The following RBM44 variants were observed in gnomAD, a reference collection of about 807,000 sequenced individuals.
The protein encoded by RBM44 is RNA binding motif protein 44.
Under a neutral mutation model 105.1 loss-of-function variants are expected in RBM44, and 66 were observed. The observed-to-expected ratio is 0.63, with a 90% CI of 0.52 to 0.77. The LOEUF (loss-of-function observed/expected upper bound fraction) is 0.77. Ranked by LOEUF, RBM44 falls within the 30% of genes least tolerant of loss-of-function variation. The pLI is 0.00. For synonymous variants in RBM44, 365 were observed against 417.6 expected (o/e 0.87, Z 1.54); for missense variants, 1,122 against 1,207.8 (o/e 0.93, Z 1.05).
rs1322392166 is a variant in RBM44 at position 237,824,329 on chromosome 2, G to A, written c.2359G>A (p.Asp787Asn). ...HYQETSEDWSDAKESLTGVDV... is the reference protein window; with the variant it reads ...HYQETSEDWSNAKESLTGVDV... Reference sequence around the variant, plus strand: ...CCAAGAGACAAGCGAAGACTGGTCTGATGCTAAAGAGAGCCTGACAGGAGT... The same window carrying A: ...CCAAGAGACAAGCGAAGACTGGTCTAATGCTAAAGAGAGCCTGACAGGAGT... Residue 787 changes from aspartate (D) to asparagine (N), a missense_variant, in exon 10 of 16, where the codon GAT becomes AAT. Transcript: ENST00000316997. 6.8e-6 allele frequency: 11 copies of A among 1,612,854 alleles called. No homozygotes were observed. In the South Asian group the frequency reaches 8.8e-5, roughly 13 times the overall value.
rs143380362 is a variant in RBM44 at position 237,803,256 on chromosome 2, G to GACAC, written c.-19+4409_-19+4412dup. ...CACTCCAGCCTGGGCGACAGAGCGA[G>GACAC]ACACACACACACACACAGTCTCTCT... On this transcript the variant is annotated intron_variant, in intron 1 of 15. Transcript: ENST00000316997. This position sits in a 1 kb window ranked among gnomAD's most constrained non-coding sequence, Gnocchi z 4.2. 1.4e-4 allele frequency among the ~76,000 whole-genome samples: 21 copies of GACAC among 150,666 alleles called. No homozygotes were observed. Among genetic ancestry groups the GACAC allele is most frequent in the South Asian group, 4.2e-4 (2 of 4,766 alleles).
At chr2:237,835,466 C>T (rs1269866194) in intron 15 of RBM44, among the ~76,000 whole-genome samples, 2 of 152,160 alleles carry the variant, frequency 1.3e-5, no homozygotes, top group Non-Finnish European at 2.9e-5. Context: ...CAGTTAGCCA[C>T]GTGGTTCATT....
chr2:237,822,788 A>G (rs944720067), intron 8 of RBM44, among the ~76,000 whole-genome samples: 3 of 152,072 alleles, frequency 2.0e-5, no homozygotes, highest in African/African-American at 7.2e-5. Flanking sequence ...CTACAAAACA[A>G]TATTGATTTT....
At chr2:237,809,521 C>G (rs2061635323) in intron 1 of RBM44, among the ~76,000 whole-genome samples, 1 of 152,158 alleles carries the variant, frequency 6.6e-6, no homozygotes, top group South Asian at 2.1e-4. Flanking sequence ...TGGTCTTTCT[C>G]CTACCACACA....
intron 1 of RBM44, among the ~76,000 whole-genome samples, chr2:237,808,475 A>G (rs1264013057): frequency 6.7e-6 from 1 of 149,774 alleles, no homozygotes; most frequent in Non-Finnish European, 1.5e-5. Flanking sequence ...CAAAAAAAGC[A>G]TAACAGAAAA....
Position 237,829,499 on chromosome 2 carries a change from C to T in RBM44, c.2883C>T (p.Asp961=). The change falls in exon 13 of 16, where the codon GAC becomes GAT. Residue 961 remains aspartate (D), a synonymous_variant. Transcript: ENST00000316997. The part of the protein sequence containing the change: ...SEQDSEVFPS[D]QGVKKNCKQI... ...AAGACAGTGAGGTTTTCCCTTCCGA[C>T]CAGGTTAGTGTTTTTGATAGATCCC... The T allele has an allele frequency of 6.2e-7, 1 of 1,609,728 alleles. No homozygotes were observed. The highest frequency in any genetic ancestry group is 8.5e-7 in the Non-Finnish European group (1 of 1,178,154).
intron 5 of RBM44, chr2:237,820,761 A>G (rs1253249374): frequency 1.1e-5 from 3 of 273,498 alleles, no homozygotes; most frequent in Non-Finnish European, 2.0e-5. Context: ...ATTAGAACCA[A>G]GTGGGGTTGG....
chr2:237,803,884 C>CTT lies in RBM44; in HGVS notation c.-19+5034_-19+5035dup, dbSNP rs566625793. Among the ~76,000 whole-genome samples, 11 of 145,340 alleles carry CTT rather than the reference C, an allele frequency of 7.6e-5. No homozygotes were observed. Among genetic ancestry groups the CTT allele is most frequent in the African/African-American group, 2.3e-4 (9 of 39,946 alleles). ...ACCATTTATTGAATATGCCTTAGAC[C>CTT]TTTTTTTTTTTTCTTTTTTTTGAGA... On this transcript the variant is annotated intron_variant, in intron 1 of 15. Coordinates refer to ENST00000316997, the MANE Select transcript of RBM44 (RefSeq NM_001080504.3). This position sits in a 1 kb window ranked among gnomAD's most constrained non-coding sequence, Gnocchi z 4.2.
Position 237,817,295 on chromosome 2 carries a change from C to G in RBM44, c.376C>G (p.Leu126Val), listed in dbSNP as rs766529588. 3 of 1,605,338 alleles carry G rather than the reference C, an allele frequency of 1.9e-6. No homozygotes were observed. The South Asian group carries it at 3.3e-5, about 18-fold the overall frequency. ...YSESKLKKES[L>V]TPLSSELDPE... Reference sequence around the variant, plus strand: ...AGAGTCAAAACTAAAGAAGGAAAGTCTTACTCCTTTAAGTTCAGAATTAGA... The same window carrying G: ...AGAGTCAAAACTAAAGAAGGAAAGTGTTACTCCTTTAAGTTCAGAATTAGA... Residue 126 changes from leucine to valine, a missense_variant, in exon 3 of 16, where the codon CTT (leucine) becomes GTT (valine). This residue lies in a region of RBM44 where 918 missense variants were observed against 955.3 expected (regional missense o/e 0.96). Transcript: ENST00000316997.
chr2:237,813,364 A>C (rs75575372), intron 1 of RBM44, among the ~76,000 whole-genome samples: 4,075 of 152,298 alleles, frequency 0.027, 74 homozygotes, highest in Middle Eastern at 0.088. Flanking sequence ...TAGTAAGTGT[A>C]CAAATTGTCT....
intron 1 of RBM44, among the ~76,000 whole-genome samples, chr2:237,800,016 G>C (rs1576491405): frequency 6.6e-6 from 1 of 152,180 alleles, no homozygotes; most frequent in East Asian, 1.9e-4. Flanking sequence ...GGAATTGCTG[G>C]ATCATGTGGT....
intron 11 of RBM44, 38 bp from the exon 12 acceptor site, chr2:237,827,395 T>C (rs969890926): frequency 4.5e-5 from 66 of 1,471,478 alleles, no homozygotes; most frequent in Non-Finnish European, 5.7e-5. Context: ...TTGTTGTTTT[T>C]TTCTACCTTT....
intron 1 of RBM44, among the ~76,000 whole-genome samples, chr2:237,812,136 G>A (rs548132581): frequency 2.7e-4 from 41 of 152,292 alleles, no homozygotes; most frequent in African/African-American, 9.4e-4. Context: ...GATTACAGGC[G>A]TGAGCCACTG....
chr2:237,802,914 A>T (rs1245545379), intron 1 of RBM44, among the ~76,000 whole-genome samples: 1 of 152,214 alleles, frequency 6.6e-6, no homozygotes, highest in East Asian at 1.9e-4. Context: ...CCCTCAAGCA[A>T]TGTATAAGAA....
chr2:237,808,768 A>G (rs2061625272), intron 1 of RBM44, among the ~76,000 whole-genome samples: 1 of 152,192 alleles, frequency 6.6e-6, no homozygotes, highest in Non-Finnish European at 1.5e-5. Context: ...CATTTTCCAT[A>G]TTATAAATAA....
At chr2:237,809,430 T>C (rs2061634021) in intron 1 of RBM44, among the ~76,000 whole-genome samples, 1 of 152,198 alleles carries the variant, frequency 6.6e-6, no homozygotes, top group South Asian at 2.1e-4. Context: ...GAAATGTGTA[T>C]ACTCAGTGTC....
At chr2:237,832,348 C>T (rs1428988209) in intron 13 of RBM44, among the ~76,000 whole-genome samples, 3 of 151,930 alleles carry the variant, frequency 2.0e-5, no homozygotes, top group African/African-American at 7.3e-5. Flanking sequence ...GAGACCAGGT[C>T]GTGCTATGTT....
chr2:237,819,324 G>C (rs1017100351), intron 4 of RBM44, among the ~76,000 whole-genome samples: 5 of 152,000 alleles, frequency 3.3e-5, no homozygotes, highest in Non-Finnish European at 5.9e-5. Context: ...ACTTTCACAG[G>C]AGCATTTTAA....
chr2:237,798,789 C>G lies in RBM44; in HGVS notation c.-91C>G, dbSNP rs1013543856. 2 of 152,426 alleles carry G rather than the reference C, an allele frequency of 1.3e-5. No individual in the cohort carries two copies. Among genetic ancestry groups the G allele is most frequent in the East Asian group, 1.9e-4 (1 of 5,190 alleles). 9.4% of individuals were successfully genotyped at this position (152,426 alleles called of 1,614,324 possible). On this transcript the variant is annotated 5_prime_UTR_variant, in exon 1 of 16. Coordinates refer to ENST00000316997, the MANE Select transcript of RBM44 (RefSeq NM_001080504.3). This position sits in a 1 kb window ranked among gnomAD's most constrained non-coding sequence, Gnocchi z 4.3. ...GGCTGCTCCGGTGGCGCCACTGACT[C>G]GGAGGCGGCTGCGGAGAGCGGGGCG...
Sources: allele counts gnomAD v4.1 joint callset (sites outside exome capture counted in the v4.1 genomes callset), GRCh38; gene constraint gnomAD v4.1.1; regional missense constraint gnomAD v4.1.1; non-coding constraint Gnocchi (gnomAD v3.1); transcripts MANE v1.5; gene names NCBI Gene and HGNC (gene_info 2026-07-23, HGNC 2026-07-21).